The following ORC3 variants were observed in gnomAD, a reference collection of about 807,000 sequenced individuals.
ORC3 encodes the protein origin recognition complex subunit 3, also known as homolog of latheo, Drosophila.
A neutral mutation model predicts 100.7 loss-of-function variants in ORC3; 78 were observed. That is an observed-to-expected ratio of 0.77 (90% CI 0.65 to 0.94). The LOEUF (loss-of-function observed/expected upper bound fraction) is 0.94, where lower values mean the gene tolerates loss of function less well. Among genes scored for constraint, ORC3 ranks in the 40% least tolerant of loss-of-function variants. The probability of loss-of-function intolerance (pLI) is 0.00; values close to 1 mark genes in which losing one functional copy is unlikely to be tolerated. For missense variants in ORC3, 789 were observed against 823.9 expected (o/e 0.96, Z 0.52); for synonymous variants, 295 against 289.3 (o/e 1.02, Z -0.20).
intron 11 of ORC3, among the ~76,000 whole-genome samples, chr6:87,622,998 A>T (rs1562345101): frequency 6.6e-6 from 1 of 152,228 alleles, no homozygotes. Flanking sequence ...GTAAGATGAG[A>T]TTGAAGGTAA....
At position 87,660,149 on chromosome 6, in the gene ORC3, G is replaced by A. The variant is rs528229361; in HGVS notation, c.1691+2131G>A. 2.6e-5 allele frequency among the ~76,000 whole-genome samples: 4 copies of A among 152,262 alleles called. No individual in the cohort carries two copies. The South Asian group carries it at 6.2e-4, about 24-fold the overall frequency. ...TGTAGGCTCTGAAATCACATCAGCC[G>A]TTTCCCTGTCATGATCCTTCACCTA... On this transcript the variant is annotated intron_variant, in intron 16 of 19. Coordinates refer to ENST00000392844, the MANE Select transcript of ORC3 (RefSeq NM_012381.4).
intron 2 of ORC3, among the ~76,000 whole-genome samples, chr6:87,601,498 C>T (rs1777892155): frequency 6.6e-6 from 1 of 152,054 alleles, no homozygotes; most frequent in South Asian, 2.1e-4. Context: ...TGGTGAAACC[C>T]CATCTCTACT....
At chr6:87,636,311 AC>A in intron 12 of ORC3, 95 bp from the exon 13 acceptor site, 1 of 715,842 alleles carries the variant, frequency 1.4e-6, no homozygotes, top group Non-Finnish European at 2.5e-6. Context: ...ACTTTTAATA[AC>A]ATTAATTTTT....
chr6:87,674,092 G>C, the ORC3 span, among the ~76,000 whole-genome samples: 29 of 151,446 alleles, frequency 1.9e-4, no homozygotes, highest in African/African-American at 6.8e-4. Context: ...CCTGAGGTCA[G>C]GAGTTCGAGA....
At chr6:87,609,288 T>A in intron 7 of ORC3, 59 bp downstream of exon 7, 1 of 1,215,242 alleles carries the variant, frequency 8.2e-7, no homozygotes, top group Non-Finnish European at 1.1e-6. Context: ...AATACTACTT[T>A]TAACTTGAAA....
intron 16 of ORC3, among the ~76,000 whole-genome samples, chr6:87,662,046 T>C (rs1770221740): frequency 6.6e-6 from 1 of 152,226 alleles, no homozygotes; most frequent in Non-Finnish European, 1.5e-5. Context: ...ATAAGTGAAA[T>C]TTTATTAATG....
At chr6:87,602,914 A>ATGTATAT (rs1554236443) in intron 3 of ORC3, among the ~76,000 whole-genome samples, 1 of 72,032 alleles carries the variant, frequency 1.4e-5, no homozygotes, top group Admixed American at 1.8e-4. Context: ...ATTATATATT[A>ATGTATAT]TATATATATA....
chr6:87,655,937 C>T (rs1769649746), intron 14 of ORC3, among the ~76,000 whole-genome samples: 1 of 152,090 alleles, frequency 6.6e-6, no homozygotes, highest in South Asian at 2.1e-4. Flanking sequence ...TTAGCTGTAG[C>T]TAAAAAGCAG....
intron 13 of ORC3, chr6:87,651,360 A>G (rs1046024366): frequency 2.2e-6 from 1 of 453,496 alleles, no homozygotes; most frequent in East Asian, 7.0e-5. Flanking sequence ...GACACCAGAA[A>G]TGCTAATCTT....
At chr6:87,594,134 G>A (rs1004751896) in intron 1 of ORC3, among the ~76,000 whole-genome samples, 1 of 152,214 alleles carries the variant, frequency 6.6e-6, no homozygotes, top group Non-Finnish European at 1.5e-5. Context: ...GCATCTCATG[G>A]GAGGGAGGGG....
chr6:87,612,473 A>AAGAGTG (rs1292066019), intron 8 of ORC3, among the ~76,000 whole-genome samples: 2 of 152,200 alleles, frequency 1.3e-5, no homozygotes, highest in African/African-American at 4.8e-5. Flanking sequence ...GCTTTATGAA[A>AAGAGTG]AGAGTGATCA....
intron 4 of ORC3, 135 bp from the exon 5 acceptor site, chr6:87,605,782 A>G (rs942643985): frequency 7.2e-6 from 4 of 556,424 alleles, no homozygotes; most frequent in Non-Finnish European, 9.7e-6. Context: ...TCATTTATAT[A>G]GTATATTTCC....
chr6:87,627,709 G>T (rs1210318375), intron 11 of ORC3, among the ~76,000 whole-genome samples: 1 of 152,034 alleles, frequency 6.6e-6, no homozygotes. Flanking sequence ...GTATAGACAT[G>T]CCTACCATTA....
chr6:87,660,894 C>CT (rs1290910227), intron 16 of ORC3, among the ~76,000 whole-genome samples: 1 of 152,194 alleles, frequency 6.6e-6, no homozygotes, highest in Non-Finnish European at 1.5e-5. Flanking sequence ...GATAAAAATT[C>CT]TAATGTATAA....
intron 13 of ORC3, among the ~76,000 whole-genome samples, chr6:87,650,594 T>A (rs950971903): frequency 6.6e-6 from 1 of 152,216 alleles, no homozygotes; most frequent in Non-Finnish European, 1.5e-5. Flanking sequence ...TGGGGTTGGT[T>A]AAGTTATTAT....
In ORC3 at chr6:87,636,450, A is replaced by T. The variant is rs753947077; in HGVS notation, c.1346A>T (p.Asp449Val). The T allele has an allele frequency of 3.3e-5, 53 of 1,612,208 alleles. No individual in the cohort carries two copies. In the African/African-American group the frequency reaches 6.7e-4, roughly 20 times the overall value. ...ACATGTTTAGAAAAGAACATATGGG[A>T]TTCAGAGGAGTATGCATCAGTCTTG... ...YCTCLEKNIWDSEEYASVLQL... is the reference protein window; with the variant it reads ...YCTCLEKNIWVSEEYASVLQL... Residue 449 changes from aspartate to valine, a missense_variant, in exon 13 of 20, where the codon GAT becomes GTT. Asp to Val is a radical substitution (Grantham distance 152). Coordinates refer to ENST00000392844, the MANE Select transcript of ORC3 (RefSeq NM_012381.4).
chr6:87,615,655 A>G (rs1307875324), intron 8 of ORC3, among the ~76,000 whole-genome samples: 3 of 152,188 alleles, frequency 2.0e-5, no homozygotes, highest in Non-Finnish European at 2.9e-5. Context: ...TGATGCCACC[A>G]CTGCACTCCA....
At chr6:87,665,728 T>G in intron 18 of ORC3, 26 bp from the exon 19 acceptor site, 1 of 1,493,640 alleles carries the variant, frequency 6.7e-7, no homozygotes, top group Non-Finnish European at 9.3e-7. Flanking sequence ...ACATTTTTAT[T>G]TTCTTCTGTC....
At chr6:87,624,164 A>T (rs1319908794) in intron 11 of ORC3, among the ~76,000 whole-genome samples, 1 of 152,130 alleles carries the variant, frequency 6.6e-6, no homozygotes, top group African/African-American at 2.4e-5. Context: ...TGCTGAAATC[A>T]AAAGACAGAA....
Sources: gnomAD v4.1 joint callset for allele counts (sites outside exome capture counted in the v4.1 genomes callset) on GRCh38, gnomAD v4.1.1 for gene constraint, MANE v1.5 for transcripts, NCBI Gene and HGNC (gene_info 2026-07-23, HGNC 2026-07-21) for gene names.